SASH1: variants seen among roughly 807,000 people sequenced by gnomAD.
The protein encoded by SASH1 is SAM and SH3 domain-containing protein 1.
SASH1 carries 44 observed loss-of-function variants against 125.2 expected under a neutral mutation model. The ratio of observed to expected loss-of-function variants is 0.35; its 90% CI spans 0.28 to 0.45. The LOEUF is 0.45. Ranked by LOEUF, SASH1 falls within the 20% of genes least tolerant of loss-of-function variation. The pLI is 1.00. For synonymous variants in SASH1, 639 were observed against 649.1 expected (o/e 0.98, Z 0.24); for missense variants, 1,426 against 1,614.5 (o/e 0.88, Z 2.00).
chr6:148,241,869 A>T, the SASH1 span, among the ~76,000 whole-genome samples: 1 of 152,312 alleles, frequency 6.6e-6, no homozygotes, highest in South Asian at 2.1e-4. Context: ...ATACATTTGT[A>T]TCAATTACCT....
intron 1 of SASH1, among the ~76,000 whole-genome samples, chr6:148,310,807 GA>G (rs1228660695): frequency 2.6e-5 from 4 of 152,022 alleles, no homozygotes. Flanking sequence ...CTATTAGAAT[GA>G]CTTTTAAAAA....
rs150088678 is a variant in SASH1, at chr6:148,387,689, T to C, written c.157-2445T>C. 1.0e-3 allele frequency among the ~76,000 whole-genome samples: 134 copies of C among 129,106 alleles called. 1 individual carries two copies. The highest frequency in any genetic ancestry group is 3.8e-3 in the Middle Eastern group (1 of 266). The allele number at this position is 129,106 out of a possible 152,430, so 84.7% of individuals were successfully genotyped here. On this transcript the variant is annotated intron_variant, in intron 1 of 19. Transcript: ENST00000367467. ...CTTTCTTTCTTTCTTTCTTTCTTTC[T>C]TTCGGCATCCTTAGTAAATTATTTC...
chr6:148,387,636 CT>C lies in SASH1; in HGVS notation c.157-2495del, dbSNP rs1328711175. 5.3e-4 allele frequency among the ~76,000 whole-genome samples: 20 copies of C among 37,914 alleles called. 2 individuals are homozygous for C. Among genetic ancestry groups the C allele is most frequent in the African/African-American group, 1.6e-3 (18 of 11,038 alleles). 24.9% of individuals were successfully genotyped at this position (37,914 alleles called of 152,430 possible). A position where few individuals can be genotyped will look rare whatever the true frequency, so the allele number is the denominator to read the frequency against. On this transcript the variant is annotated intron_variant, in intron 1 of 19. Transcript: ENST00000367467. ...TCTTTCTTTCTTTCTTTCTTTCTTT[CT>C]TTCTTTCTTTCTTTCTTTCTTTCTT...
At chr6:148,422,837 TG>T (rs1252179846) in intron 2 of SASH1, among the ~76,000 whole-genome samples, 1 of 152,248 alleles carries the variant, frequency 6.6e-6, no homozygotes, top group Non-Finnish European at 1.5e-5. Context: ...AAGTTTGCCC[TG>T]GGCTAGAGTT....
intron 9 of SASH1, among the ~76,000 whole-genome samples, chr6:148,515,709 A>G (rs952333300): frequency 1.3e-5 from 2 of 152,208 alleles, no homozygotes; most frequent in African/African-American, 4.8e-5. Context: ...CCAGTCGTGA[A>G]TTCCACAGTA....
Position 148,514,458 on chromosome 6 carries a change from TAAA to T in SASH1, c.862+28_862+30del, listed in dbSNP as rs10710533. On this transcript the variant is annotated splice_donor_5th_base_variant and intron_variant, in intron 9 of 19. Coordinates refer to ENST00000367467, the MANE Select transcript of SASH1 (RefSeq NM_015278.5). ...AAATGAAAAAACCCAGCACTGAAGGTAAAAAAAAAAAAAAAAAAAAAAAAAAAA... is the reference window on the plus strand; with the variant it reads ...AAATGAAAAAACCCAGCACTGAAGGTAAAAAAAAAAAAAAAAAAAAAAAAA... 0.15 allele frequency: 82,410 copies of T among 565,286 alleles called. 1,232 individuals are homozygous for T. Among genetic ancestry groups the T allele is most frequent in the Admixed American group, 0.17 (1,057 of 6,246 alleles). 35.0% of individuals were successfully genotyped at this position (565,286 alleles called of 1,614,324 possible).
intron 16 of SASH1, among the ~76,000 whole-genome samples, chr6:148,536,898 T>C (rs944714467): frequency 6.6e-6 from 1 of 152,212 alleles, no homozygotes; most frequent in African/African-American, 2.4e-5. Context: ...AGACATTCCA[T>C]TGTGGATCTA....
At chr6:148,336,176 CTTTTTTT>C (rs61290611) in intron 1 of SASH1, among the ~76,000 whole-genome samples, 2 of 70,726 alleles carry the variant, frequency 2.8e-5, no homozygotes, top group African/African-American at 1.2e-4. Context: ...AAACTGCATC[CTTTTTTT>C]TTTTTTTTTT....
At chr6:148,473,677 T>C (rs1778216393) in intron 6 of SASH1, among the ~76,000 whole-genome samples, 1 of 152,204 alleles carries the variant, frequency 6.6e-6, no homozygotes, top group African/African-American at 2.4e-5. Context: ...TTTGCAAAAA[T>C]ATTTTCTTCT....
intron 2 of SASH1, among the ~76,000 whole-genome samples, chr6:148,410,804 G>A (rs987353749): frequency 6.6e-6 from 1 of 152,148 alleles, no homozygotes; most frequent in Non-Finnish European, 1.5e-5. Context: ...GAACTAACAC[G>A]CTGTAGTGCC....
At chr6:148,356,560 C>A (rs1320515906) in intron 1 of SASH1, among the ~76,000 whole-genome samples, 1 of 141,242 alleles carries the variant, frequency 7.1e-6, no homozygotes, top group Non-Finnish European at 1.5e-5. Flanking sequence ...AACTCTGCCT[C>A]CTGGGTTCAA....
chr6:148,252,312 T>C, the SASH1 span, among the ~76,000 whole-genome samples: 1 of 152,136 alleles, frequency 6.6e-6, no homozygotes, highest in South Asian at 2.1e-4. Context: ...CATTATAACC[T>C]ATAACAAGCG....
intron 4 of SASH1, among the ~76,000 whole-genome samples, chr6:148,463,798 GC>G (rs1378235751): frequency 6.6e-6 from 1 of 152,110 alleles, no homozygotes; most frequent in East Asian, 1.9e-4. Flanking sequence ...CTGTTCCCCT[GC>G]CCAGCTTTCC....
the SASH1 span, among the ~76,000 whole-genome samples, chr6:148,212,096 G>T: frequency 2.0e-5 from 3 of 152,156 alleles, no homozygotes; most frequent in African/African-American, 4.8e-5. Flanking sequence ...GCTCCCCGAG[G>T]GTACACTGGG....
At chr6:148,440,607 A>T (rs937242415) in intron 4 of SASH1, 200 bp downstream of exon 4, 2 of 578,654 alleles carry the variant, frequency 3.5e-6, no homozygotes, top group Admixed American at 3.2e-5. Flanking sequence ...ATGTCTGAGG[A>T]TTTTGTGAAG....
chr6:148,532,741 C>T lies in SASH1; in HGVS notation c.1565-56C>T. ...CTGCCATACCTTCAATACCTTTCTG[C>T]TTTGCTGGGTGGGAAATCTGGATCT... On this transcript the variant is annotated intron_variant, in intron 13 of 19. Coordinates refer to ENST00000367467, the MANE Select transcript of SASH1 (RefSeq NM_015278.5). This position sits in a 1 kb window ranked among gnomAD's most constrained non-coding sequence, Gnocchi z 4.7. 6.3e-7 allele frequency: 1 copy of T among 1,595,182 alleles called. No homozygotes were observed. Among genetic ancestry groups the T allele is most frequent in the Non-Finnish European group, 8.6e-7 (1 of 1,167,198 alleles).
chr6:148,482,632 A>T (rs1474054461), intron 7 of SASH1, among the ~76,000 whole-genome samples: 1 of 144,214 alleles, frequency 6.9e-6, no homozygotes, highest in African/African-American at 2.6e-5. Flanking sequence ...AGCAGTTCTC[A>T]TGCCTCAGCT....
chr6:148,543,819 G>T lies in SASH1; in HGVS notation c.2349G>T (p.Glu783Asp). ...KSGDALKQGQ[E>D]EGRLGGGLAP... ...GGGATGCACTGAAGCAGGGACAGGAGGAGGGCAGGCTGGGTGGTGGCCTTG... is the reference window on the plus strand; with the variant it reads ...GGGATGCACTGAAGCAGGGACAGGATGAGGGCAGGCTGGGTGGTGGCCTTG... Residue 783 changes from glutamate to aspartate, a missense_variant, in exon 18 of 20, where the codon GAG becomes GAT. Physicochemically the swap from Glu to Asp is conservative, Grantham distance 45. Coordinates refer to ENST00000367467, the MANE Select transcript of SASH1 (RefSeq NM_015278.5). 1 of 1,614,144 alleles carries T rather than the reference G, an allele frequency of 6.2e-7. No homozygotes were observed. Among genetic ancestry groups the T allele is most frequent in the Non-Finnish European group, 8.5e-7 (1 of 1,179,992 alleles).
intron 8 of SASH1, among the ~76,000 whole-genome samples, chr6:148,497,688 ATAGGC>A (rs1266923084): frequency 2.0e-5 from 3 of 152,258 alleles, no homozygotes; most frequent in Admixed American, 6.5e-5. Flanking sequence ...GTATCAGCAG[ATAGGC>A]TAGAATTGTC....
Sources: gnomAD v4.1 joint callset for allele counts (sites outside exome capture counted in the v4.1 genomes callset) on GRCh38, gnomAD v4.1.1 for gene constraint, Gnocchi (gnomAD v3.1) non-coding constraint, MANE v1.5 for transcripts, NCBI Gene and HGNC (gene_info 2026-07-23, HGNC 2026-07-21) for gene names.